Variants in ATF3 observed in about 807,000 individuals in gnomAD.
The protein encoded by ATF3 is cyclic AMP-dependent transcription factor ATF-3.
ATF3 carries 10 observed loss-of-function variants against 18.4 expected under a neutral mutation model. The ratio of observed to expected loss-of-function variants is 0.54; its 90% CI spans 0.34 to 0.92. The LOEUF (loss-of-function observed/expected upper bound fraction) is 0.92, where lower values mean the gene tolerates loss of function less well. Ranked by LOEUF, ATF3 falls within the 40% of genes least tolerant of loss-of-function variation. ATF3 has a pLI of 0.02. For missense variants in ATF3, 183 were observed against 222.3 expected, an observed-to-expected ratio of 0.82 and a Z score of 1.12; for synonymous variants, 78 against 87.9, an observed-to-expected ratio of 0.89 and a Z score of 0.63.
intron 1 of ATF3, among the ~76,000 whole-genome samples, chr1:212,571,414 T>A (rs1468583321): frequency 6.6e-6 from 1 of 152,114 alleles, no homozygotes; most frequent in Non-Finnish European, 1.5e-5. Flanking sequence ...TTATTACTAT[T>A]ATTATTTTTT....
rs115327396 is a variant in ATF3 at position 212,589,368 on chromosome 1, G to A, written c.-5+23885G>A. Among the ~76,000 whole-genome samples the A allele has an allele frequency of 2.0e-3, 298 of 152,282 alleles. 2 individuals carry two copies. Among genetic ancestry groups the A allele is most frequent in the African/African-American group, 6.9e-3 (288 of 41,554 alleles). ...CAAGGGAGAGACAGAAGGGAACTGT[G>A]CTGATATCCTCAGCTAATGTACTAG... is the stretch of plus-strand genomic sequence containing the variant. On this transcript the variant is annotated intron_variant, in intron 1 of 3. Transcript: ENST00000366981.
chr1:212,573,281 A>C (rs571670632), intron 1 of ATF3, among the ~76,000 whole-genome samples: 75 of 152,256 alleles, frequency 4.9e-4, no homozygotes, highest in African/African-American at 1.7e-3. Flanking sequence ...TGTTAATAAA[A>C]GTTCTTAAAT....
intron 1 of ATF3, among the ~76,000 whole-genome samples, chr1:212,592,810 T>C (rs370643306): frequency 1.1e-3 from 171 of 152,242 alleles, no homozygotes; most frequent in Middle Eastern, 3.4e-3. Flanking sequence ...ATCTGTGGGT[T>C]TGGGTGCTGC....
At chr1:212,602,396 T>C (rs1207560458) in intron 1 of ATF3, among the ~76,000 whole-genome samples, 2 of 152,196 alleles carry the variant, frequency 1.3e-5, no homozygotes, top group Admixed American at 1.3e-4. Flanking sequence ...GGTATGAGAA[T>C]TTATGATTCT....
chr1:212,585,519 C>CT (rs1664764497), intron 1 of ATF3, among the ~76,000 whole-genome samples: 1 of 152,232 alleles, frequency 6.6e-6, no homozygotes, highest in African/African-American at 2.4e-5. Context: ...GATGTAGGGG[C>CT]TTGCCTCTGT....
intron 1 of ATF3, among the ~76,000 whole-genome samples, chr1:212,575,762 T>A (rs1199251391): frequency 6.6e-6 from 1 of 152,174 alleles, no homozygotes; most frequent in Non-Finnish European, 1.5e-5. Context: ...TCTGCATTTC[T>A]TGAGATACTA....
chr1:212,582,477 C>G (rs1354937361), intron 1 of ATF3, among the ~76,000 whole-genome samples: 4 of 152,246 alleles, frequency 2.6e-5, no homozygotes, highest in Non-Finnish European at 4.4e-5. Flanking sequence ...GGTTCTCCCC[C>G]ACAAAGCTCT....
intron 1 of ATF3, among the ~76,000 whole-genome samples, chr1:212,609,859 G>A (rs1308200453): frequency 6.6e-6 from 1 of 152,180 alleles, no homozygotes; most frequent in Non-Finnish European, 1.5e-5. Flanking sequence ...GCGGAGCCGG[G>A]AAATAAGGGC....
upstream of ATF3, among the ~76,000 whole-genome samples, chr1:212,607,649 C>T (rs541890550): frequency 1.3e-5 from 2 of 152,326 alleles, no homozygotes; most frequent in East Asian, 3.9e-4. Flanking sequence ...CCAGTCCAAT[C>T]GGCTCTGGGA....
chr1:212,604,354 G>T (rs1213911547), upstream of ATF3, among the ~76,000 whole-genome samples: 1 of 152,100 alleles, frequency 6.6e-6, no homozygotes, highest in African/African-American at 2.4e-5. Context: ...TCTCAAATGG[G>T]AATATCTGCT....
upstream of ATF3, among the ~76,000 whole-genome samples, chr1:212,605,494 A>G (rs558775167): frequency 2.6e-5 from 4 of 152,362 alleles, no homozygotes; most frequent in African/African-American, 9.6e-5. Flanking sequence ...GGCAGATCTT[A>G]TCTTGTGTTT....
chr1:212,619,333 G>A lies in ATF3; in HGVS notation c.349-25G>A. On this transcript the variant is annotated intron_variant, in intron 3 of 3. Transcript: ENST00000341491. This position sits in a 1 kb window ranked among gnomAD's most constrained non-coding sequence, Gnocchi z 4.4. ...CTCACTGGCCCTTGGCTCCTTTCTT[G>A]ATGCCTCTGTTGCTTGTCCCCCAGG... 1 of 1,612,618 alleles carries A rather than the reference G, an allele frequency of 6.2e-7. No homozygotes were observed. Among genetic ancestry groups the A allele is most frequent in the South Asian group, 1.1e-5 (1 of 90,916 alleles).
intron 1 of ATF3, among the ~76,000 whole-genome samples, chr1:212,577,770 C>T (rs928938198): frequency 2.6e-5 from 4 of 152,160 alleles, no homozygotes; most frequent in African/African-American, 9.7e-5. Flanking sequence ...TCTTTTTTCA[C>T]AGCTGAATAA....
intron 1 of ATF3, among the ~76,000 whole-genome samples, chr1:212,570,396 T>G (rs903211800): frequency 6.6e-6 from 1 of 152,208 alleles, no homozygotes. Flanking sequence ...AAATGGATCA[T>G]TCAGTAAGTT....
At chr1:212,568,820 A>C (rs1166015898) in intron 1 of ATF3, among the ~76,000 whole-genome samples, 1 of 152,124 alleles carries the variant, frequency 6.6e-6, no homozygotes, top group African/African-American at 2.4e-5. Flanking sequence ...ACACAGTCAT[A>C]ATTTCACCTC....
intron 1 of ATF3, among the ~76,000 whole-genome samples, chr1:212,585,038 AAGG>A (rs1339421517): frequency 3.3e-5 from 5 of 152,124 alleles, no homozygotes; most frequent in Non-Finnish European, 5.9e-5. Context: ...CAGATACCAA[AAGG>A]AGGAGAAGAG....
At chr1:212,584,266 C>A (rs1051231322) in intron 1 of ATF3, among the ~76,000 whole-genome samples, 9 of 152,128 alleles carry the variant, frequency 5.9e-5, no homozygotes, top group African/African-American at 2.2e-4. Flanking sequence ...AGCTGTTACT[C>A]CCTGTGTTAG....
chr1:212,609,218 C>T (rs1162603236), intron 1 of ATF3, among the ~76,000 whole-genome samples: 1 of 152,260 alleles, frequency 6.6e-6, no homozygotes, highest in Non-Finnish European at 1.5e-5. Flanking sequence ...CAGCCTCGAG[C>T]GCCGCTTCTC....
upstream of ATF3, among the ~76,000 whole-genome samples, chr1:212,605,433 G>A (rs1253181240): frequency 6.6e-6 from 1 of 152,232 alleles, no homozygotes; most frequent in Non-Finnish European, 1.5e-5. Context: ...CCAAAGCGAA[G>A]AAGTAGGTTG....
Sources: allele counts gnomAD v4.1 joint callset (sites outside exome capture counted in the v4.1 genomes callset), GRCh38; gene constraint gnomAD v4.1.1; non-coding constraint Gnocchi (gnomAD v3.1); transcripts MANE v1.5; gene names NCBI Gene and HGNC (gene_info 2026-07-23, HGNC 2026-07-21).